Variants in ACP3 observed in about 807,000 individuals in gnomAD.
ACP3 encodes prostatic acid phosphatase.
ACP3 carries 38 observed loss-of-function variants against 45.6 expected under a neutral mutation model. That is an observed-to-expected ratio of 0.83 (90% CI 0.64 to 1.09). The LOEUF is 1.09. ACP3 is among the 50% of genes least tolerant of loss of function. ACP3 has a pLI of 0.00. For missense variants in ACP3, 466 were observed against 463.2 expected (o/e 1.01, Z -0.05); for synonymous variants, 162 against 164.7 (o/e 0.98, Z 0.13).
intron 1 of ACP3, among the ~76,000 whole-genome samples, chr3:132,318,302 C>T (rs547069644): frequency 6.6e-6 from 1 of 152,252 alleles, no homozygotes; most frequent in South Asian, 2.1e-4. Context: ...CCTTCTGTTT[C>T]ACTCTTTCTC....
intron 1 of ACP3, among the ~76,000 whole-genome samples, chr3:132,320,712 G>A (rs893296214): frequency 2.7e-5 from 4 of 150,132 alleles, no homozygotes; most frequent in East Asian, 3.9e-4. Flanking sequence ...GTGCAATGGC[G>A]TGATCTTGGC....
chr3:132,331,987 T>C (rs747685001), intron 3 of ACP3, among the ~76,000 whole-genome samples: 1 of 152,226 alleles, frequency 6.6e-6, no homozygotes, highest in African/African-American at 2.4e-5. Flanking sequence ...CATTTGTCAA[T>C]TCAACTATTG....
intron 2 of ACP3, 131 bp downstream of exon 2, chr3:132,328,493 A>G: frequency 3.5e-6 from 2 of 578,794 alleles, no homozygotes; most frequent in Non-Finnish European, 3.0e-6. Context: ...AGCCTGGCCA[A>G]CGTGGTGAAA....
At chr3:132,317,687 C>A in intron 1 of ACP3, 111 bp downstream of exon 1, 1 of 1,252,246 alleles carries the variant, frequency 8.0e-7, no homozygotes, top group Non-Finnish European at 1.1e-6. Flanking sequence ...AGAGACCAGG[C>A]TCTGTTCAAA....
chr3:132,321,640 G>T (rs540191030), intron 1 of ACP3, among the ~76,000 whole-genome samples: 2 of 152,286 alleles, frequency 1.3e-5, no homozygotes, highest in South Asian at 4.1e-4. Context: ...AGCCAACCAG[G>T]TTATTCCTGT....
intron 1 of ACP3, 66 bp from the exon 2 acceptor site, chr3:132,328,196 ACTATT>A (rs1937333271): frequency 8.2e-7 from 1 of 1,225,210 alleles, no homozygotes; most frequent in African/African-American, 1.5e-5. Context: ...AAAAAAAAAA[ACTATT>A]ATAATGAGCA....
intron 9 of ACP3, among the ~76,000 whole-genome samples, chr3:132,355,727 A>G (rs932841109): frequency 2.0e-5 from 3 of 152,178 alleles, no homozygotes; most frequent in African/African-American, 7.2e-5. Context: ...CGTGTTAGCC[A>G]GGATGGTCTC....
At chr3:132,343,443 A>C (rs998870610) in intron 6 of ACP3, among the ~76,000 whole-genome samples, 1 of 152,236 alleles carries the variant, frequency 6.6e-6, no homozygotes, top group Non-Finnish European at 1.5e-5. Flanking sequence ...TCACTTAATC[A>C]TCAGCAACTA....
Position 132,358,685 on chromosome 3 carries a change from T to C in ACP3, c.*1807T>C. 1.9e-6 allele frequency: 2 copies of C among 1,026,560 alleles called. No individual in the cohort carries two copies. The highest frequency in any genetic ancestry group is 3.5e-5 in the South Asian group (1 of 28,492). 63.6% of individuals were successfully genotyped at this position (1,026,560 alleles called of 1,614,324 possible). Reference sequence around the variant, plus strand: ...TAAATGTTTGTCCTTGGGTCCATTTTCTATGCTTGTAACTGTCTTCTAGCA... The same window carrying C: ...TAAATGTTTGTCCTTGGGTCCATTTCCTATGCTTGTAACTGTCTTCTAGCA... On this transcript the variant is annotated 3_prime_UTR_variant, in exon 10 of 10. Coordinates refer to ENST00000336375, the MANE Select transcript of ACP3 (RefSeq NM_001099.5).
intron 8 of ACP3, among the ~76,000 whole-genome samples, chr3:132,351,316 C>A (rs17182461): frequency 1.3e-5 from 2 of 152,116 alleles, no homozygotes; most frequent in African/African-American, 4.8e-5. Context: ...GAGTCTGAGA[C>A]GCCAAGGAGA....
intron 10 of ACP3, among the ~76,000 whole-genome samples, chr3:132,365,020 C>T (rs961528876): frequency 5.3e-5 from 8 of 152,128 alleles, no homozygotes; most frequent in Admixed American, 5.2e-4. Flanking sequence ...AACTTAAAAC[C>T]ACCTTTTCGT....
intron 1 of ACP3, among the ~76,000 whole-genome samples, chr3:132,317,853 T>C (rs1302378895): frequency 6.6e-6 from 1 of 152,260 alleles, no homozygotes; most frequent in Non-Finnish European, 1.5e-5. Flanking sequence ...TGCCTTGAAT[T>C]CAGATTCCTT....
intron 1 of ACP3, among the ~76,000 whole-genome samples, chr3:132,320,024 T>C (rs1005060840): frequency 2.2e-5 from 3 of 137,264 alleles, no homozygotes; most frequent in Admixed American, 7.9e-5. Flanking sequence ...GTTTGACAAG[T>C]TGTTAACAGG....
At chr3:132,323,659 C>G (rs1937244595) in intron 1 of ACP3, among the ~76,000 whole-genome samples, 1 of 152,098 alleles carries the variant, frequency 6.6e-6, no homozygotes. Flanking sequence ...AGAGCAAAGG[C>G]CCTGAGGCTT....
At chr3:132,354,607 G>C (rs909280321) in intron 9 of ACP3, among the ~76,000 whole-genome samples, 1 of 152,172 alleles carries the variant, frequency 6.6e-6, no homozygotes, top group Non-Finnish European at 1.5e-5. Flanking sequence ...AGGTGATCCT[G>C]ACTGTGAAGT....
intron 1 of ACP3, among the ~76,000 whole-genome samples, chr3:132,318,148 G>A (rs309988): frequency 0.025 from 3,746 of 152,300 alleles, 137 homozygotes; most frequent in African/African-American, 0.086. Flanking sequence ...ATGAAAAAAG[G>A]TGGGGGGTGG....
chr3:132,336,105 A>G (rs894244737), intron 4 of ACP3, among the ~76,000 whole-genome samples: 3 of 152,126 alleles, frequency 2.0e-5, no homozygotes, highest in Non-Finnish European at 4.4e-5. Context: ...CTAAAAGTAC[A>G]AAAAATTAGC....
intron 7 of ACP3, among the ~76,000 whole-genome samples, chr3:132,347,721 C>T (rs1209124300): frequency 1.3e-5 from 2 of 152,026 alleles, no homozygotes; most frequent in East Asian, 1.9e-4. Context: ...TGGGCTCAAG[C>T]GATCCTCCAC....
chr3:132,334,652 C>T (rs1266098255), intron 4 of ACP3, among the ~76,000 whole-genome samples: 2 of 152,092 alleles, frequency 1.3e-5, no homozygotes, highest in African/African-American at 2.4e-5. Context: ...CACAAAAACA[C>T]GACCATGAGT....
Sources: gnomAD v4.1 joint callset for allele counts (sites outside exome capture counted in the v4.1 genomes callset) on GRCh38, gnomAD v4.1.1 for gene constraint, MANE v1.5 for transcripts, NCBI Gene and HGNC (gene_info 2026-07-23, HGNC 2026-07-21) for gene names.